The following GLIS3 variants were observed in gnomAD, a reference collection of about 807,000 sequenced individuals.
GLIS3 encodes the protein zinc finger protein GLIS3.
In GLIS3, 53 loss-of-function variants were observed where a neutral mutation model predicts 78.6. The observed-to-expected ratio is 0.67, with a 90% CI of 0.54 to 0.85. The LOEUF is 0.85. GLIS3 is among the 40% of genes least tolerant of loss of function. The pLI, the probability that GLIS3 is intolerant of heterozygous loss-of-function variation, is 0.00. For missense variants in GLIS3, 1,703 were observed against 1,231.1 expected, an observed-to-expected ratio of 1.38 and a Z score of -5.74; for synonymous variants, 684 against 509.9, an observed-to-expected ratio of 1.34 and a Z score of -4.60.
chr9:4,370,605 C>A, the GLIS3 span, among the ~76,000 whole-genome samples: 1 of 151,890 alleles, frequency 6.6e-6, no homozygotes, highest in African/African-American at 2.4e-5. Flanking sequence ...GACAGAAGAA[C>A]GGAAGCTGCA....
rs958059468 is a variant in GLIS3, at chr9:4,223,783, T to G, written c.388+62255A>C. ...GCTTAAAATACTGATTTTTTCTACA[T>G]TTTCTGGTTTTGAGTACTAAGGATA... On this transcript the variant is annotated intron_variant, in intron 2 of 10. Transcript: ENST00000381971. Among the ~76,000 whole-genome samples, 5 of 152,180 alleles carry G rather than the reference T, an allele frequency of 3.3e-5. No individual in the cohort carries two copies. In the East Asian group the frequency reaches 5.8e-4, roughly 18 times the overall value.
chr9:4,390,355 C>A, the GLIS3 span, among the ~76,000 whole-genome samples: 24 of 152,118 alleles, frequency 1.6e-4, no homozygotes, highest in African/African-American at 5.5e-4. Context: ...TTATATATTA[C>A]GTACTTGATA....
At chr9:3,905,324 T>G (rs568160097) in intron 6 of GLIS3, among the ~76,000 whole-genome samples, 4 of 152,072 alleles carry the variant, frequency 2.6e-5, no homozygotes, top group Non-Finnish European at 5.9e-5. Context: ...AGCCTGTCAT[T>G]CAGAGCTTGT....
Position 4,286,499 on chromosome 9 carries a change from G to A in GLIS3, c.-74C>T, listed in dbSNP as rs1304834105. ...ACTCCTTTCAGGCAAAGTCCAATAA[G>A]TTATCCATGGTGTGGGTTATAAGCC... On this transcript the variant is annotated 5_prime_UTR_variant, in exon 2 of 11. Coordinates refer to ENST00000381971, the MANE Select transcript of GLIS3 (RefSeq NM_001042413.2). 3.9e-6 allele frequency: 6 copies of A among 1,554,100 alleles called. No individual in the cohort carries two copies. Among genetic ancestry groups the A allele is most frequent in the African/African-American group, 1.4e-5 (1 of 73,910 alleles).
chr9:4,248,802 C>T (rs564151643), intron 2 of GLIS3, among the ~76,000 whole-genome samples: 64 of 152,314 alleles, frequency 4.2e-4, no homozygotes, highest in African/African-American at 1.5e-3. Context: ...GAGATGGTAT[C>T]TCACTGTGGT....
chr9:3,834,814 C>G (rs534874032), intron 9 of GLIS3, among the ~76,000 whole-genome samples: 130 of 152,214 alleles, frequency 8.5e-4, no homozygotes, highest in African/African-American at 3.0e-3. Context: ...CCTCAAGAAG[C>G]TGAGGAATGT....
At chr9:4,305,211 A>C (rs1421179319) in intron 4 of GLIS3, 1 of 152,228 alleles carries the variant, frequency 6.6e-6, no homozygotes, top group East Asian at 1.9e-4. Context: ...TTTTCAGGGC[A>C]GGAAACCCTA....
At chr9:3,974,472 C>T (rs1818619174) in intron 4 of GLIS3, among the ~76,000 whole-genome samples, 1 of 152,108 alleles carries the variant, frequency 6.6e-6, no homozygotes, top group African/African-American at 2.4e-5. Context: ...ATCTCTATTG[C>T]TTAGTGCTTT....
chr9:3,855,885 A>T (rs1436836862), intron 9 of GLIS3, 124 bp downstream of exon 9: 2 of 1,053,192 alleles, frequency 1.9e-6, no homozygotes, highest in African/African-American at 3.1e-5. Context: ...TTTAGAGGCA[A>T]GTCATGAAAG....
At chr9:4,048,358 C>T (rs773086225) in intron 4 of GLIS3, among the ~76,000 whole-genome samples, 1 of 152,090 alleles carries the variant, frequency 6.6e-6, no homozygotes, top group South Asian at 2.1e-4. Flanking sequence ...TGTAAGGGAT[C>T]CTGCTGGAAA....
At chr9:4,403,663 T>C in the GLIS3 span, among the ~76,000 whole-genome samples, 1 of 152,102 alleles carries the variant, frequency 6.6e-6, no homozygotes, top group African/African-American at 2.4e-5. Context: ...TTTAAAATAA[T>C]GGATTATAAA....
chr9:4,125,711 G>A (rs748260200), intron 3 of GLIS3, 23 bp downstream of exon 3: 8 of 1,583,088 alleles, frequency 5.1e-6, no homozygotes, highest in East Asian at 2.2e-5. Flanking sequence ...TAAAGAAAGG[G>A]GAAAAAAAAG....
intron 6 of GLIS3, among the ~76,000 whole-genome samples, chr9:3,931,509 A>G (rs1169222342): frequency 6.6e-6 from 1 of 152,280 alleles, no homozygotes; most frequent in African/African-American, 2.4e-5. Flanking sequence ...CTCAATACCA[A>G]TGAAACACTC....
At position 4,294,067 on chromosome 9, in the gene GLIS3, T is replaced by C. The variant is rs1384311977; in HGVS notation, c.-99+5354A>G. On this transcript the variant is annotated intron_variant, in intron 1 of 10. Transcript: ENST00000381971. ...GTCTTTTCCCTCCTCCTTTATTTTG[T>C]TCTCTTTTCCCCCAAATCCAGATCC... 1.6e-4 allele frequency among the ~76,000 whole-genome samples: 25 copies of C among 152,224 alleles called. 1 individual carries two copies. The highest frequency in any genetic ancestry group is 1.6e-3 in the Admixed American group (25 of 15,274).
chr9:4,465,712 T>C, the GLIS3 span, among the ~76,000 whole-genome samples: 3 of 152,162 alleles, frequency 2.0e-5, no homozygotes, highest in Non-Finnish European at 4.4e-5. Flanking sequence ...TCCACAAATA[T>C]ATACACCTAC....
At chr9:4,321,898 C>T (rs747142346) in intron 2 of GLIS3, among the ~76,000 whole-genome samples, 4 of 151,980 alleles carry the variant, frequency 2.6e-5, no homozygotes, top group Non-Finnish European at 5.9e-5. Flanking sequence ...TATTATTATG[C>T]TTTAATTTCT....
At chr9:4,103,500 C>T (rs1830529661) in intron 4 of GLIS3, among the ~76,000 whole-genome samples, 1 of 152,172 alleles carries the variant, frequency 6.6e-6, no homozygotes, top group South Asian at 2.1e-4. Context: ...ACCTTATAAT[C>T]TCACTGTTGG....
chr9:4,186,777 T>G (rs949337687), intron 2 of GLIS3, among the ~76,000 whole-genome samples: 2 of 152,188 alleles, frequency 1.3e-5, no homozygotes, highest in East Asian at 1.9e-4. Context: ...TCATGTGTCT[T>G]TTGGCTGCAT....
chr9:3,849,091 T>C (rs1247914069), intron 9 of GLIS3, among the ~76,000 whole-genome samples: 1 of 152,108 alleles, frequency 6.6e-6, no homozygotes, highest in Admixed American at 6.6e-5. Context: ...AAGTGGTACA[T>C]GGATGACAGA....
Sources: gnomAD v4.1 joint callset for allele counts (sites outside exome capture counted in the v4.1 genomes callset) on GRCh38, gnomAD v4.1.1 for gene constraint, MANE v1.5 for transcripts, NCBI Gene and HGNC (gene_info 2026-07-23, HGNC 2026-07-21) for gene names.